FRMD6: variants seen among roughly 807,000 people sequenced by gnomAD.
FRMD6 encodes the protein FERM domain-containing protein 6.
A neutral mutation model predicts 73.2 loss-of-function variants in FRMD6; 37 were observed. That is an observed-to-expected ratio of 0.51 (90% CI 0.39 to 0.66). FRMD6 has a LOEUF of 0.66. FRMD6 is among the 30% of genes least tolerant of loss of function. The pLI is 0.00. For missense variants in FRMD6, 714 were observed against 780.5 expected (o/e 0.91, Z 1.02); for synonymous variants, 273 against 282.2 (o/e 0.97, Z 0.33).
At chr14:51,438,308 T>G in the FRMD6 span, among the ~76,000 whole-genome samples, 1 of 152,260 alleles carries the variant, frequency 6.6e-6, no homozygotes, top group Non-Finnish European at 1.5e-5. Context: ...GAATTGACAT[T>G]CTCTATCGTA....
chr14:51,557,354 A>G (rs975859495), intron 1 of FRMD6, among the ~76,000 whole-genome samples: 1 of 152,154 alleles, frequency 6.6e-6, no homozygotes, highest in African/African-American at 2.4e-5. Context: ...GACATGGATG[A>G]ACCTGGAAGA....
In FRMD6 at chr14:51,706,163, T is replaced by C. The variant is rs149507623; in HGVS notation, c.558+1228T>C. ...TCTCCCTGTCCTGTCCCATCAACTG[T>C]AACACCTTGTAATGTCTGTGCTTGA... On this transcript the variant is annotated intron_variant, in intron 6 of 13. Transcript: ENST00000344768. Among the ~76,000 whole-genome samples, 243 of 152,220 alleles carry C rather than the reference T, an allele frequency of 1.6e-3. 2 individuals carry two copies. Among genetic ancestry groups the C allele is most frequent in the East Asian group, 0.014 (72 of 5,180 alleles).
At chr14:51,643,765 T>G (rs1369337047) in intron 2 of FRMD6, 1 of 152,204 alleles carries the variant, frequency 6.6e-6, no homozygotes, top group African/African-American at 2.4e-5. Context: ...AAACCTTGGA[T>G]GGAGGTGGCG....
At chr14:51,681,293 A>G (rs191775480) in intron 1 of FRMD6, among the ~76,000 whole-genome samples, 1 of 152,362 alleles carries the variant, frequency 6.6e-6, no homozygotes. Context: ...TCAAGATATG[A>G]TAAAATAGCA....
the FRMD6 span, among the ~76,000 whole-genome samples, chr14:51,458,551 C>T: frequency 6.6e-6 from 1 of 152,188 alleles, no homozygotes; most frequent in Non-Finnish European, 1.5e-5. Flanking sequence ...TCAATACTAT[C>T]TCTACAGACC....
chr14:51,412,157 C>T, the FRMD6 span, among the ~76,000 whole-genome samples: 6 of 152,130 alleles, frequency 3.9e-5, no homozygotes, highest in East Asian at 5.8e-4. Context: ...CACTTTTTGT[C>T]GGAGGCTAAC....
At chr14:51,538,852 G>A (rs8004591) in intron 1 of FRMD6, among the ~76,000 whole-genome samples, 15,986 of 152,050 alleles carry the variant, frequency 0.11, 1,119 homozygotes, top group African/African-American at 0.19. Flanking sequence ...TTTCATTTTA[G>A]GATCATCTTG....
intron 2 of FRMD6, among the ~76,000 whole-genome samples, chr14:51,693,528 C>T (rs1370472823): frequency 6.6e-6 from 1 of 152,074 alleles, no homozygotes; most frequent in Non-Finnish European, 1.5e-5. Context: ...GCTTTGGTTT[C>T]CTCATTTGTG....
intron 1 of FRMD6, among the ~76,000 whole-genome samples, chr14:51,516,530 G>T (rs1007902328): frequency 6.6e-6 from 1 of 152,168 alleles, no homozygotes; most frequent in African/African-American, 2.4e-5. Context: ...GCACATGTGT[G>T]TATCTTTCAG....
chr14:51,690,630 C>T (rs1895489574), intron 2 of FRMD6, among the ~76,000 whole-genome samples: 3 of 152,312 alleles, frequency 2.0e-5, no homozygotes, highest in East Asian at 1.9e-4. Context: ...AGGTGATCCG[C>T]GTCAGCCTCC....
chr14:51,527,052 C>G (rs904191033), intron 1 of FRMD6, among the ~76,000 whole-genome samples: 1 of 152,228 alleles, frequency 6.6e-6, no homozygotes, highest in African/African-American at 2.4e-5. Flanking sequence ...TAACCCCTGC[C>G]CATGGGTAAA....
chr14:51,572,401 A>G (rs1888178519), intron 2 of FRMD6, among the ~76,000 whole-genome samples: 2 of 152,264 alleles, frequency 1.3e-5, no homozygotes, highest in Non-Finnish European at 2.9e-5. Context: ...ATATGAATGA[A>G]TAACAGTTAT....
chr14:51,593,142 C>T (rs1031629540), intron 2 of FRMD6, among the ~76,000 whole-genome samples: 3 of 152,146 alleles, frequency 2.0e-5, no homozygotes, highest in African/African-American at 7.2e-5. Flanking sequence ...GCAGGGTCCT[C>T]GGTGTAACTG....
At position 51,625,144 on chromosome 14, in the gene FRMD6, A is replaced by G. The variant is rs1891069224; in HGVS notation, c.-147+54734A>G. Among the ~76,000 whole-genome samples the G allele has an allele frequency of 2.0e-5, 3 of 152,204 alleles. No individual in the cohort carries two copies. In the South Asian group the frequency reaches 6.2e-4, roughly 32 times the overall value. On this transcript the variant is annotated intron_variant, in intron 2 of 14. Transcript: ENST00000356218. ...TTCAGCATAGTATGAGCCAGAAGGG[A>G]GTGAAACAGGGCAGTTTGGGGGCAC...
intron 2 of FRMD6, among the ~76,000 whole-genome samples, chr14:51,608,050 A>G (rs1890335725): frequency 8.8e-6 from 1 of 113,266 alleles, no homozygotes; most frequent in Non-Finnish European, 2.2e-5. Flanking sequence ...GAAAACCATT[A>G]TTCCCAAACC....
At chr14:51,592,191 T>A (rs1889438150) in intron 2 of FRMD6, among the ~76,000 whole-genome samples, 1 of 152,224 alleles carries the variant, frequency 6.6e-6, no homozygotes, top group Admixed American at 6.5e-5. Context: ...AAATTGTGAT[T>A]TACAAAAAAG....
At chr14:51,618,789 A>G (rs191607503) in intron 2 of FRMD6, among the ~76,000 whole-genome samples, 6 of 152,192 alleles carry the variant, frequency 3.9e-5, no homozygotes, top group African/African-American at 1.2e-4. Flanking sequence ...TTCAATTGAA[A>G]TGGAAATTAT....
the FRMD6 span, among the ~76,000 whole-genome samples, chr14:51,417,562 T>G: frequency 1.3e-5 from 2 of 152,216 alleles, no homozygotes; most frequent in Non-Finnish European, 2.9e-5. Flanking sequence ...TAACCCAACC[T>G]TTCTCTCTGG....
rs1462348008 is a variant in FRMD6, at chr14:51,684,726, C to G, written c.-146-4965C>G. On this transcript the variant is annotated intron_variant, in intron 1 of 13. Coordinates refer to ENST00000344768, the MANE Select transcript of FRMD6 (RefSeq NM_001267046.2). Reference sequence around the variant, plus strand: ...TCCTACAATGTGCAGGACAGCCCCCCACCAAAAAGAATATTTGGCCCAAAA... The same window carrying G: ...TCCTACAATGTGCAGGACAGCCCCCGACCAAAAAGAATATTTGGCCCAAAA... Among the ~76,000 whole-genome samples the G allele has an allele frequency of 2.0e-5, 3 of 152,030 alleles. No individual in the cohort carries two copies. The East Asian group carries it at 5.8e-4, about 29-fold the overall frequency.
Sources: gnomAD v4.1 joint callset for allele counts (sites outside exome capture counted in the v4.1 genomes callset) on GRCh38, gnomAD v4.1.1 for gene constraint, MANE v1.5 for transcripts, NCBI Gene and HGNC (gene_info 2026-07-23, HGNC 2026-07-21) for gene names.